Variants in BOC observed in about 807,000 individuals in gnomAD.
BOC encodes the protein brother of CDO.
A neutral mutation model predicts 112.0 loss-of-function variants in BOC; 76 were observed. That is an observed-to-expected ratio of 0.68 (90% CI 0.56 to 0.82). The LOEUF (loss-of-function observed/expected upper bound fraction) is 0.82, where lower values mean the gene tolerates loss of function less well. Among genes scored for constraint, BOC ranks in the 40% least tolerant of loss-of-function variants. The pLI is 0.00. For synonymous variants in BOC, 580 were observed against 599.8 expected, an observed-to-expected ratio of 0.97 and a Z score of 0.48; for missense variants, 1,309 against 1,511.7, an observed-to-expected ratio of 0.87 and a Z score of 2.22.
At chr3:113,257,824 T>G (rs1395983278) in intron 4 of BOC, among the ~76,000 whole-genome samples, 1 of 152,144 alleles carries the variant, frequency 6.6e-6, no homozygotes, top group Non-Finnish European at 1.5e-5. Flanking sequence ...AATTCATGAG[T>G]CCCACTTGAA....
intron 14 of BOC, 37 bp downstream of exon 14, chr3:113,280,700 T>C (rs766433809): frequency 6.7e-7 from 1 of 1,498,622 alleles, no homozygotes; most frequent in East Asian, 2.3e-5. Context: ...TTCTGCGTGA[T>C]ATAGTTTCCT....
intron 2 of BOC, among the ~76,000 whole-genome samples, chr3:113,246,456 C>T (rs1027309226): frequency 4.6e-5 from 7 of 152,224 alleles, no homozygotes; most frequent in African/African-American, 1.7e-4. Context: ...TTAGGTTCTC[C>T]AGCTTAAGCG....
At chr3:113,218,623 A>G (rs1044229418) in intron 2 of BOC, among the ~76,000 whole-genome samples, 1 of 152,258 alleles carries the variant, frequency 6.6e-6, no homozygotes, top group African/African-American at 2.4e-5. Flanking sequence ...GATGTTTTGT[A>G]GTGAACAAGT....
At chr3:113,229,869 C>T (rs980408409) in intron 2 of BOC, among the ~76,000 whole-genome samples, 4 of 152,184 alleles carry the variant, frequency 2.6e-5, no homozygotes, top group Admixed American at 6.5e-5. Flanking sequence ...CCAAAATCCA[C>T]GGCAGAGACA....
At position 113,274,741 on chromosome 3, in the gene BOC, C is replaced by T. The variant is rs1948488139; in HGVS notation, c.1542+59C>T. On this transcript the variant is annotated intron_variant, in intron 9 of 19. Coordinates refer to ENST00000682979, the MANE Select transcript of BOC (RefSeq NM_001378074.1). This position sits in a 1 kb window ranked among gnomAD's most constrained non-coding sequence, Gnocchi z 4.8. ...GCACAGCCTTTCCAGCAAGGCTGAG[C>T]AGAGTCACTGTCTCTTGGCCATCTC... 1.3e-6 allele frequency: 2 copies of T among 1,503,942 alleles called. No homozygotes were observed. The highest frequency in any genetic ancestry group is 2.6e-5 in the South Asian group (2 of 76,620). 93.2% of individuals were successfully genotyped at this position (1,503,942 alleles called of 1,614,324 possible).
chr3:113,229,082 G>T (rs140753959), intron 2 of BOC, among the ~76,000 whole-genome samples: 1 of 152,216 alleles, frequency 6.6e-6, no homozygotes, highest in Admixed American at 6.5e-5. Flanking sequence ...TGGGAGGGCC[G>T]GGAAGGAGTG....
At chr3:113,263,760 G>C (rs367874555) in intron 4 of BOC, among the ~76,000 whole-genome samples, 1 of 152,214 alleles carries the variant, frequency 6.6e-6, no homozygotes, top group Non-Finnish European at 1.5e-5. Flanking sequence ...GAAAGATAGA[G>C]ACTAGAAGGT....
rs1945395681 is a variant in BOC, at chr3:113,249,911, C to T, written c.97+12C>T. ...CTTTGCTGACTTGAGTGAGTGCTTT[C>T]CTTCCCTTTCCCTGCCCTTACAGTC... On this transcript the variant is annotated intron_variant, in intron 3 of 19. Transcript: ENST00000682979. 1.9e-6 allele frequency: 3 copies of T among 1,609,286 alleles called. No individual in the cohort carries two copies. Among genetic ancestry groups the T allele is most frequent in the African/African-American group, 1.3e-5 (1 of 74,818 alleles).
intron 2 of BOC, among the ~76,000 whole-genome samples, chr3:113,219,669 G>A (rs1446804173): frequency 6.6e-6 from 1 of 152,130 alleles, no homozygotes; most frequent in East Asian, 1.9e-4. Flanking sequence ...GGTAGGTGAG[G>A]GTCTTTATAA....
At chr3:113,246,485 G>A (rs971106549) in intron 2 of BOC, among the ~76,000 whole-genome samples, 2 of 151,948 alleles carry the variant, frequency 1.3e-5, no homozygotes, top group Non-Finnish European at 1.5e-5. Flanking sequence ...CTTTTTTCCC[G>A]AAACATTAAA....
intron 2 of BOC, among the ~76,000 whole-genome samples, chr3:113,217,064 T>C (rs1939537953): frequency 6.6e-6 from 1 of 152,212 alleles, no homozygotes; most frequent in African/African-American, 2.4e-5. Context: ...CTTCATCCTT[T>C]CAACAATGCT....
In BOC at chr3:113,278,597, A is replaced by G. The variant is rs1948883169; in HGVS notation, c.1706-76A>G. On this transcript the variant is annotated intron_variant, in intron 10 of 19. Coordinates refer to ENST00000682979, the MANE Select transcript of BOC (RefSeq NM_001378074.1). This position sits in a 1 kb window ranked among gnomAD's most constrained non-coding sequence, Gnocchi z 4.2. The stretch of plus-strand genomic sequence containing the variant: ...TTGTCATGCCGCTTAGCAGAGTCTC[A>G]GGCAAAAAGGACTCTGTGGGAGGGA... 5 of 1,281,486 alleles carry G rather than the reference A, an allele frequency of 3.9e-6. No homozygotes were observed. Among genetic ancestry groups the G allele is most frequent in the Non-Finnish European group, 5.5e-6 (5 of 905,800 alleles). The allele number at this position is 1,281,486 out of a possible 1,614,324, so 79.4% of individuals were successfully genotyped here. A position where few individuals can be genotyped will look rare whatever the true frequency, so the allele number is the denominator to read the frequency against.
intron 1 of BOC, among the ~76,000 whole-genome samples, chr3:113,214,294 G>A (rs777388299): frequency 3.3e-5 from 5 of 152,112 alleles, no homozygotes; most frequent in Admixed American, 6.5e-5. Flanking sequence ...TTGGGATCCC[G>A]GCTCTCTTCA....
intron 9 of BOC, among the ~76,000 whole-genome samples, chr3:113,277,044 T>C (rs1948741309): frequency 6.6e-6 from 1 of 152,330 alleles, no homozygotes; most frequent in South Asian, 2.1e-4. Context: ...CCTTACTTTT[T>C]CCTTTAAAGA....
intron 9 of BOC, among the ~76,000 whole-genome samples, chr3:113,275,647 A>G (rs1019984286): frequency 6.6e-6 from 1 of 152,254 alleles, no homozygotes; most frequent in Non-Finnish European, 1.5e-5. Context: ...GCTTATAAAA[A>G]TGCTATGTGC....
chr3:113,238,356 G>C (rs1343348263), intron 2 of BOC, among the ~76,000 whole-genome samples: 1 of 152,198 alleles, frequency 6.6e-6, no homozygotes, highest in African/African-American at 2.4e-5. Context: ...GGAGCAATCA[G>C]AGTTGTGTCT....
chr3:113,252,718 G>A (rs890314359), intron 4 of BOC, among the ~76,000 whole-genome samples: 3 of 152,192 alleles, frequency 2.0e-5, no homozygotes, highest in Non-Finnish European at 1.5e-5. Flanking sequence ...TCCCTGAGGA[G>A]CCAGGCTGAC....
chr3:113,252,526 G>A (rs1945757321), intron 4 of BOC, among the ~76,000 whole-genome samples: 1 of 152,170 alleles, frequency 6.6e-6, no homozygotes, highest in Non-Finnish European at 1.5e-5. Flanking sequence ...AGTAGGGAGG[G>A]ATGGAGAAGC....
chr3:113,260,667 TAGAAC>T (rs11455670), intron 4 of BOC, among the ~76,000 whole-genome samples: 31,217 of 125,628 alleles, frequency 0.25, 4,621 homozygotes, highest in Middle Eastern at 0.39. Flanking sequence ...TAGAATAGAA[TAGAAC>T]AGAACAGAAC....
Sources: allele counts gnomAD v4.1 joint callset (sites outside exome capture counted in the v4.1 genomes callset), GRCh38; gene constraint gnomAD v4.1.1; non-coding constraint Gnocchi (gnomAD v3.1); transcripts MANE v1.5; gene names NCBI Gene and HGNC (gene_info 2026-07-23, HGNC 2026-07-21).